Variants in AK8 observed in about 807,000 individuals in gnomAD.
The protein encoded by AK8 is adenylate kinase 8.
Under a neutral mutation model 54.6 loss-of-function variants are expected in AK8, and 44 were observed. That is an observed-to-expected ratio of 0.81 (90% CI 0.63 to 1.04). AK8 has a LOEUF of 1.04. Ranked by LOEUF, AK8 falls within the 50% of genes least tolerant of loss-of-function variation. The pLI, the probability that AK8 is intolerant of heterozygous loss-of-function variation, is 0.00. For synonymous variants in AK8, 239 were observed against 245.6 expected, an observed-to-expected ratio of 0.97 and a Z score of 0.25; for missense variants, 555 against 613.6, an observed-to-expected ratio of 0.90 and a Z score of 1.01.
chr9:132,731,864 G>A (rs189252254), intron 11 of AK8, among the ~76,000 whole-genome samples: 3 of 152,244 alleles, frequency 2.0e-5, no homozygotes, highest in Admixed American at 6.5e-5. Flanking sequence ...GCGAGACCCC[G>A]TCTCTGAAAA....
intron 11 of AK8, among the ~76,000 whole-genome samples, chr9:132,761,878 G>C (rs1442422952): frequency 1.7e-5 from 2 of 115,240 alleles, no homozygotes; most frequent in Non-Finnish European, 3.6e-5. Context: ...TCTCTCTTTT[G>C]TTTTCTTTAG....
intron 5 of AK8, among the ~76,000 whole-genome samples, chr9:132,851,470 T>C (rs1408662347): frequency 6.6e-6 from 1 of 152,178 alleles, no homozygotes; most frequent in Non-Finnish European, 1.5e-5. Context: ...ACCAGGGAAC[T>C]AGGAGTTATC....
chr9:132,831,132 A>C (rs188166476), intron 5 of AK8, among the ~76,000 whole-genome samples: 156 of 152,206 alleles, frequency 1.0e-3, no homozygotes, highest in Admixed American at 4.2e-3. Flanking sequence ...CTTTTTATTT[A>C]ACTGTTTAAA....
rs966933194 is a variant in AK8 at position 132,750,280 on chromosome 9, G to A, written c.1122-22746C>T. 1.3e-4 allele frequency among the ~76,000 whole-genome samples: 19 copies of A among 151,968 alleles called. 1 individual carries two copies. Among genetic ancestry groups the A allele is most frequent in the African/African-American group, 3.6e-4 (15 of 41,516 alleles). On this transcript the variant is annotated intron_variant, in intron 11 of 12. Coordinates refer to ENST00000298545, the MANE Select transcript of AK8 (RefSeq NM_152572.3). The stretch of plus-strand genomic sequence containing the variant: ...ATTACAGGCATGTGCCACCACACCC[G>A]GCTAATTTTTGTACTTTTAGTAGAG...
chr9:132,784,931 G>A (rs989597416), intron 11 of AK8, among the ~76,000 whole-genome samples: 2 of 151,990 alleles, frequency 1.3e-5, no homozygotes, highest in Admixed American at 6.6e-5. Context: ...GTTAAAAACA[G>A]AATATAATTG....
intron 4 of AK8, among the ~76,000 whole-genome samples, chr9:132,855,772 T>C (rs1421772699): frequency 6.6e-6 from 1 of 151,922 alleles, no homozygotes; most frequent in African/African-American, 2.4e-5. Context: ...TCTTTGCTTT[T>C]TGTAACAACT....
chr9:132,785,374 T>C (rs904032058), intron 11 of AK8, among the ~76,000 whole-genome samples: 1 of 152,206 alleles, frequency 6.6e-6, no homozygotes, highest in Non-Finnish European at 1.5e-5. Context: ...AGTGCTGGGA[T>C]TACAGGCGTG....
rs1836518547 is a variant in AK8 at position 132,725,609 on chromosome 9, G to A, written c.*79C>T. 2 of 1,306,872 alleles carry A rather than the reference G, an allele frequency of 1.5e-6. No homozygotes were observed. The highest frequency in any genetic ancestry group is 2.1e-6 in the Non-Finnish European group (2 of 946,544). The allele number at this position is 1,306,872 out of a possible 1,614,324, so 81.0% of individuals were successfully genotyped here. A position where few individuals can be genotyped will look rare whatever the true frequency, so the allele number is the denominator to read the frequency against. On this transcript the variant is annotated 3_prime_UTR_variant, in exon 13 of 13. Transcript: ENST00000298545. ...CCAGCAGGCTTTATTGGCTTTTTAG[G>A]GGAGCTGTGCCGAGGCTGGGGGGCT...
chr9:132,733,313 G>GC (rs150155973), intron 11 of AK8, among the ~76,000 whole-genome samples: 4,649 of 152,106 alleles, frequency 0.031, 228 homozygotes, highest in African/African-American at 0.11. Flanking sequence ...TGAACACGCG[G>GC]CCCCCCTTGC....
rs1440408284 is a variant in AK8, at chr9:132,836,775, T to C, written c.403-8049A>G. Among the ~76,000 whole-genome samples, 5 of 152,342 alleles carry C rather than the reference T, an allele frequency of 3.3e-5. No homozygotes were observed. In the East Asian group the frequency reaches 9.6e-4, roughly 29 times the overall value. On this transcript the variant is annotated intron_variant, in intron 5 of 12. Transcript: ENST00000298545. ...GTGGGCTCACGCCATTTGCCATCAC[T>C]TGGCCAGCTGCCCTCTCTGAGGGGA...
intron 2 of AK8, among the ~76,000 whole-genome samples, chr9:132,871,605 C>T: frequency 6.6e-6 from 1 of 152,320 alleles, no homozygotes; most frequent in East Asian, 1.9e-4. Flanking sequence ...GACAGACCCC[C>T]CCGGCTGGAG....
At chr9:132,757,877 A>C (rs780027615) in intron 11 of AK8, among the ~76,000 whole-genome samples, 6 of 152,244 alleles carry the variant, frequency 3.9e-5, no homozygotes, top group Non-Finnish European at 8.8e-5. Flanking sequence ...AAAGGTCCCT[A>C]AACCTTAAGT....
chr9:132,797,377 G>A (rs763695170), intron 10 of AK8, among the ~76,000 whole-genome samples: 8 of 152,188 alleles, frequency 5.3e-5, no homozygotes, highest in Non-Finnish European at 1.0e-4. Context: ...TTCCTCAAGC[G>A]TTCATGGGCC....
chr9:132,851,146 T>C (rs1323853097), intron 5 of AK8, among the ~76,000 whole-genome samples: 3 of 152,174 alleles, frequency 2.0e-5, no homozygotes, highest in Non-Finnish European at 2.9e-5. Flanking sequence ...GGGAAGCAGA[T>C]GGGAGAAGAG....
At chr9:132,833,678 A>G (rs572529943) in intron 5 of AK8, among the ~76,000 whole-genome samples, 1 of 152,286 alleles carries the variant, frequency 6.6e-6, no homozygotes, top group South Asian at 2.1e-4. Context: ...TGCGAGGGGT[A>G]TGGTATCACA....
intron 5 of AK8, among the ~76,000 whole-genome samples, chr9:132,839,698 T>C (rs922147140): frequency 6.6e-6 from 1 of 151,970 alleles, no homozygotes; most frequent in Non-Finnish European, 1.5e-5. Flanking sequence ...GAGGAGACAC[T>C]GTGAACAGAA....
intron 11 of AK8, among the ~76,000 whole-genome samples, chr9:132,759,915 T>TA (rs146394426): frequency 0.012 from 1,757 of 152,316 alleles, 38 homozygotes; most frequent in African/African-American, 0.04. Context: ...CTCTTCTATG[T>TA]AAATGCAGAA....
At chr9:132,833,269 G>A (rs1842180665) in intron 5 of AK8, among the ~76,000 whole-genome samples, 1 of 152,362 alleles carries the variant, frequency 6.6e-6, no homozygotes, top group South Asian at 2.1e-4. Context: ...CACGTTCACA[G>A]GGAAGCAGCA....
chr9:132,814,639 T>C lies in AK8; in HGVS notation c.978A>G (p.Ala326=). The change falls in exon 10 of 13, where the codon GCA becomes GCG. Residue 326 remains alanine, a splice_region_variant and synonymous_variant. Coordinates refer to ENST00000298545, the MANE Select transcript of AK8 (RefSeq NM_152572.3). The part of the protein sequence containing the change: ...LIQPFFEKEM[A]VPDSLLMKVL... ...ACAGTTAGTGGGAACGTGGCCTACC[T>C]GCCATCTCCTTTTCAAAGAAGGGCT... The C allele has an allele frequency of 6.2e-7, 1 of 1,613,798 alleles. No individual in the cohort carries two copies. Among genetic ancestry groups the C allele is most frequent in the South Asian group, 1.1e-5 (1 of 91,012 alleles).
Sources: gnomAD v4.1 joint callset for allele counts (sites outside exome capture counted in the v4.1 genomes callset) on GRCh38, gnomAD v4.1.1 for gene constraint, MANE v1.5 for transcripts, NCBI Gene and HGNC (gene_info 2026-07-23, HGNC 2026-07-21) for gene names.